Variants in XPNPEP3 observed in about 807,000 individuals in gnomAD.
XPNPEP3 encodes xaa-Pro aminopeptidase 3.
A neutral mutation model predicts 60.0 loss-of-function variants in XPNPEP3; 41 were observed. The ratio of observed to expected loss-of-function variants is 0.68; its 90% CI spans 0.53 to 0.89. The LOEUF (loss-of-function observed/expected upper bound fraction) is 0.89. Ranked by LOEUF, XPNPEP3 falls within the 40% of genes least tolerant of loss-of-function variation. The pLI, the probability that XPNPEP3 is intolerant of heterozygous loss-of-function variation, is 0.00. For synonymous variants in XPNPEP3, 212 were observed against 223.2 expected (o/e 0.95, Z 0.45); for missense variants, 598 against 638.9 (o/e 0.94, Z 0.69).
chr22:40,900,343 G>T (rs1182148603), intron 4 of XPNPEP3, among the ~76,000 whole-genome samples: 2 of 149,446 alleles, frequency 1.3e-5, no homozygotes, highest in East Asian at 3.9e-4. Context: ...GGTGACCCAC[G>T]CCTATAATCC....
Position 40,882,003 on chromosome 22 carries a change from C to G in XPNPEP3, c.415C>G (p.Leu139Val), listed in dbSNP as rs762328278. The G allele has an allele frequency of 1.2e-6, 2 of 1,614,118 alleles. No homozygotes were observed. The highest frequency in any genetic ancestry group is 3.3e-5 in the Admixed American group (2 of 59,998). Reference protein sequence around the residue: ...EPDSILVLQSLPGKQLPSHKA... With the variant: ...EPDSILVLQSVPGKQLPSHKA... Reference sequence around the variant, plus strand: ...TGATAGCATTCTTGTCCTTCAGAGCCTCCCTGGCAAACAATTACCATCACA... The same window carrying G: ...TGATAGCATTCTTGTCCTTCAGAGCGTCCCTGGCAAACAATTACCATCACA... Residue 139 changes from leucine to valine, a missense_variant, in exon 3 of 10, where the codon CTC becomes GTC. Transcript: ENST00000357137.
chr22:40,877,272 A>G (rs2058031245), intron 2 of XPNPEP3, among the ~76,000 whole-genome samples: 2 of 152,152 alleles, frequency 1.3e-5, no homozygotes, highest in African/African-American at 4.8e-5. Context: ...CCATTCTCCA[A>G]CTGCACAGTA....
chr22:40,890,742 C>T (rs2058085310), intron 4 of XPNPEP3, among the ~76,000 whole-genome samples: 1 of 151,900 alleles, frequency 6.6e-6, no homozygotes, highest in Admixed American at 6.6e-5. Context: ...TGGTACGCAC[C>T]TGTAGTCCCA....
intron 9 of XPNPEP3, 94 bp downstream of exon 9, chr22:40,924,576 T>G: frequency 6.5e-7 from 1 of 1,531,434 alleles, no homozygotes; most frequent in Non-Finnish European, 8.9e-7. Flanking sequence ...CAGGCTGGAG[T>G]GAAGTGGTGT....
intron 4 of XPNPEP3, among the ~76,000 whole-genome samples, chr22:40,899,662 T>C (rs2058123621): frequency 6.6e-6 from 1 of 151,586 alleles, no homozygotes; most frequent in African/African-American, 2.4e-5. Flanking sequence ...CTACTAAAAA[T>C]ACAAAAATTA....
intron 2 of XPNPEP3, among the ~76,000 whole-genome samples, chr22:40,874,643 C>T (rs2058020691): frequency 6.6e-6 from 1 of 152,098 alleles, no homozygotes; most frequent in Non-Finnish European, 1.5e-5. Context: ...CCAGGCTGGT[C>T]TTGAACTCCT....
At chr22:40,916,300 G>GA (rs980489442) in intron 7 of XPNPEP3, among the ~76,000 whole-genome samples, 24 of 137,418 alleles carry the variant, frequency 1.7e-4, no homozygotes, top group Admixed American at 2.2e-4. Flanking sequence ...TCAAACAAAG[G>GA]AAAAAAAAAA....
At chr22:40,901,195 A>G (rs2146265050) in intron 4 of XPNPEP3, among the ~76,000 whole-genome samples, 1 of 151,652 alleles carries the variant, frequency 6.6e-6, no homozygotes, top group Non-Finnish European at 1.5e-5. Flanking sequence ...TTTGCAAATC[A>G]TATATCTGAT....
intron 1 of XPNPEP3, chr22:40,860,814 C>G (rs1569011489): frequency 1.6e-6 from 1 of 638,848 alleles, no homozygotes; most frequent in African/African-American, 1.9e-5. Context: ...CCACACTTGG[C>G]TAATTTTTAA....
chr22:40,868,822 G>A lies in XPNPEP3; in HGVS notation c.65-177G>A, dbSNP rs1224729907. Among the ~76,000 whole-genome samples, 4 of 151,918 alleles carry A rather than the reference G, an allele frequency of 2.6e-5. No individual in the cohort carries two copies. In the South Asian group the frequency reaches 6.2e-4, roughly 24 times the overall value. On this transcript the variant is annotated intron_variant, in intron 1 of 9. Coordinates refer to ENST00000357137, the MANE Select transcript of XPNPEP3 (RefSeq NM_022098.4). ...AGATCATGCCACTGACTCCAGCCTGGGTGACAGAGTGAGACTCTGTCTTAA... is the reference window on the plus strand; with the variant it reads ...AGATCATGCCACTGACTCCAGCCTGAGTGACAGAGTGAGACTCTGTCTTAA...
Position 40,886,514 on chromosome 22 carries a change from A to G in XPNPEP3, c.791A>G (p.Gln264Arg), listed in dbSNP as rs1430117456. 1.9e-6 allele frequency: 3 copies of G among 1,613,678 alleles called. No individual in the cohort carries two copies. The highest frequency in any genetic ancestry group is 2.2e-5 in the South Asian group (2 of 91,060). The stretch of plus-strand genomic sequence containing the variant: ...CAGATTGCTGGGAAGCTGACATCAC[A>G]GGTATGATTCCTATTGAAAAGTTTT... The part of the protein sequence containing the change: ...RMQIAGKLTS[Q>R]AFIETMFTSK... Residue 264 changes from glutamine (Q) to arginine (R), a missense_variant and splice_region_variant, in exon 4 of 10, where the codon CAG (glutamine) becomes CGG (arginine). Physicochemically the swap from Gln to Arg is conservative, Grantham distance 43 (BLOSUM62 1). Transcript: ENST00000357137.
intron 6 of XPNPEP3, among the ~76,000 whole-genome samples, chr22:40,912,034 T>C (rs1240149736): frequency 6.6e-6 from 1 of 152,200 alleles, no homozygotes; most frequent in Non-Finnish European, 1.5e-5. Flanking sequence ...CAAAAGAATT[T>C]AGAAAATGCA....
intron 4 of XPNPEP3, among the ~76,000 whole-genome samples, chr22:40,906,344 C>G (rs2058155505): frequency 1.3e-5 from 2 of 151,272 alleles, no homozygotes; most frequent in Admixed American, 6.6e-5. Flanking sequence ...TCACTTGAGC[C>G]CAGGAGTTTG....
rs1285787045 is a variant in XPNPEP3 at position 40,927,957 on chromosome 22, G to T, written c.*1522G>T. The T allele has an allele frequency of 6.6e-6, 1 of 150,796 alleles. No homozygotes were observed. The highest frequency in any genetic ancestry group is 1.5e-5 in the Non-Finnish European group (1 of 67,904). 9.3% of individuals were successfully genotyped at this position (150,796 alleles called of 1,614,324 possible). A position where few individuals can be genotyped will look rare whatever the true frequency, so the allele number is the denominator to read the frequency against. On this transcript the variant is annotated 3_prime_UTR_variant, in exon 10 of 10. Transcript: ENST00000357137. ...TCCCTCTATAGATTCTTAATGCACTGACCCTCACAGGTTACCCTTTTAGCT... is the reference window on the plus strand; with the variant it reads ...TCCCTCTATAGATTCTTAATGCACTTACCCTCACAGGTTACCCTTTTAGCT...
At chr22:40,908,505 T>C (rs1172692722) in intron 5 of XPNPEP3, among the ~76,000 whole-genome samples, 1 of 152,062 alleles carries the variant, frequency 6.6e-6, no homozygotes, top group Non-Finnish European at 1.5e-5. Context: ...GTGACAGCAA[T>C]ACCATGTCTC....
rs1016860973 is a variant in XPNPEP3 at position 40,931,476 on chromosome 22, G to A, written c.*5041G>A. 1 of 152,218 alleles carries A rather than the reference G, an allele frequency of 6.6e-6. No individual in the cohort carries two copies. The highest frequency in any genetic ancestry group is 1.5e-5 in the Non-Finnish European group (1 of 68,078). 9.4% of individuals were successfully genotyped at this position (152,218 alleles called of 1,614,324 possible). On this transcript the variant is annotated 3_prime_UTR_variant, in exon 10 of 10. Coordinates refer to ENST00000357137, the MANE Select transcript of XPNPEP3 (RefSeq NM_022098.4). ...CAGCTATAATCCCAGCACTTTGGGA[G>A]ACCAAGGAGGGATGGTCACTTGAGC...
At chr22:40,896,034 T>G (rs1281097117) in intron 4 of XPNPEP3, among the ~76,000 whole-genome samples, 2 of 152,198 alleles carry the variant, frequency 1.3e-5, no homozygotes, top group African/African-American at 4.8e-5. Flanking sequence ...TTTTGACATC[T>G]AATGTTAGAG....
intron 7 of XPNPEP3, among the ~76,000 whole-genome samples, chr22:40,917,561 A>T (rs1198297886): frequency 1.3e-5 from 2 of 151,950 alleles, no homozygotes; most frequent in Non-Finnish European, 2.9e-5. Context: ...TTTTTAAGTG[A>T]AGGAATTTTA....
chr22:40,887,726 C>T (rs1018897004), intron 4 of XPNPEP3, among the ~76,000 whole-genome samples: 1 of 152,020 alleles, frequency 6.6e-6, no homozygotes, highest in African/African-American at 2.4e-5. Flanking sequence ...TCAGAGACTC[C>T]AAAATGGAAT....
Sources: gnomAD v4.1 joint callset for allele counts (sites outside exome capture counted in the v4.1 genomes callset) on GRCh38, gnomAD v4.1.1 for gene constraint, MANE v1.5 for transcripts, NCBI Gene and HGNC (gene_info 2026-07-23, HGNC 2026-07-21) for gene names.